The following NAV2 variants were observed in gnomAD, a reference collection of about 807,000 sequenced individuals.
NAV2 encodes the protein neuron navigator 2.
Under a neutral mutation model 223.2 loss-of-function variants are expected in NAV2, and 54 were observed. The observed-to-expected ratio is 0.24, with a 90% CI of 0.19 to 0.30. The LOEUF (loss-of-function observed/expected upper bound fraction) is 0.30, where lower values mean the gene tolerates loss of function less well. Ranked by LOEUF, NAV2 falls within the 10% of genes least tolerant of loss-of-function variation. The pLI is 1.00. For missense variants in NAV2, 2,806 were observed against 3,147.5 expected (o/e 0.89, Z 2.60); for synonymous variants, 1,279 against 1,239.3 (o/e 1.03, Z -0.67).
chr11:19,946,036 T>G (rs1050943965), intron 8 of NAV2, among the ~76,000 whole-genome samples: 1 of 152,232 alleles, frequency 6.6e-6, no homozygotes, highest in Non-Finnish European at 1.5e-5. Context: ...AACAAAATGC[T>G]TCACTCATTT....
intron 6 of NAV2, among the ~76,000 whole-genome samples, chr11:19,894,846 TCAGC>T (rs1429882683): frequency 1.3e-5 from 2 of 152,198 alleles, no homozygotes; most frequent in African/African-American, 2.4e-5. Flanking sequence ...TTCTCCTGCC[TCAGC>T]CTCCCTAGTA....
chr11:19,465,653 A>G (rs983581311), intron 1 of NAV2, among the ~76,000 whole-genome samples: 1 of 152,216 alleles, frequency 6.6e-6, no homozygotes, highest in Non-Finnish European at 1.5e-5. Flanking sequence ...GTAAGGATGA[A>G]AGATGATATA....
intron 30 of NAV2, among the ~76,000 whole-genome samples, chr11:20,096,753 G>A (rs1233969815): frequency 6.6e-6 from 1 of 152,154 alleles, no homozygotes; most frequent in Non-Finnish European, 1.5e-5. Context: ...TCTGTTTTTT[G>A]ACTGGAGATT....
At chr11:19,383,632 G>T (rs1319877556) in intron 1 of NAV2, among the ~76,000 whole-genome samples, 2 of 152,138 alleles carry the variant, frequency 1.3e-5, no homozygotes, top group Admixed American at 1.3e-4. Flanking sequence ...CTGGTCCCAG[G>T]TTACCATTTC....
At chr11:20,049,366 C>T (rs2057756395) in intron 15 of NAV2, 171 bp downstream of exon 15, 4 of 610,248 alleles carry the variant, frequency 6.6e-6, no homozygotes, top group Admixed American at 3.1e-5. Flanking sequence ...AAGCTTGGCT[C>T]TGCTCCCTGT....
intron 6 of NAV2, among the ~76,000 whole-genome samples, chr11:19,928,629 G>A (rs143705513): frequency 2.3e-4 from 35 of 152,286 alleles, no homozygotes; most frequent in African/African-American, 8.4e-4. Flanking sequence ...TTCACAAGCA[G>A]CTCATCTAAT....
At chr11:20,061,429 C>A (rs1314105661) in intron 19 of NAV2, among the ~76,000 whole-genome samples, 1 of 151,956 alleles carries the variant, frequency 6.6e-6, no homozygotes, top group Non-Finnish European at 1.5e-5. Context: ...ACTAGCCAGG[C>A]ATGGTGGCGC....
At chr11:20,117,539 G>A (rs2063217449) in intron 37 of NAV2, among the ~76,000 whole-genome samples, 2 of 152,164 alleles carry the variant, frequency 1.3e-5, no homozygotes, top group Admixed American at 1.3e-4. Flanking sequence ...GCCTTTGCTT[G>A]TAACTGGTGC....
At chr11:19,939,597 C>T in intron 7 of NAV2, 64 bp from the exon 8 acceptor site, 2 of 1,307,938 alleles carry the variant, frequency 1.5e-6, no homozygotes, top group Non-Finnish European at 1.1e-6. Flanking sequence ...GGTTAGACCA[C>T]AGTGGTCCAG....
At chr11:20,115,241 G>A (rs1193698696) in intron 37 of NAV2, among the ~76,000 whole-genome samples, 4 of 152,172 alleles carry the variant, frequency 2.6e-5, no homozygotes, top group Non-Finnish European at 5.9e-5. Flanking sequence ...ACAGAGGGGA[G>A]GAGGCCTGAA....
At chr11:19,773,239 G>C (rs2055864063) in intron 1 of NAV2, among the ~76,000 whole-genome samples, 1 of 152,234 alleles carries the variant, frequency 6.6e-6, no homozygotes, top group Admixed American at 6.5e-5. Context: ...GGAGTGTTGA[G>C]TGATTGAACG....
chr11:19,828,295 C>T (rs2152885058), intron 1 of NAV2, among the ~76,000 whole-genome samples: 1 of 152,148 alleles, frequency 6.6e-6, no homozygotes, highest in African/African-American at 2.4e-5. Flanking sequence ...TATTTATCTC[C>T]AGAACTTTTT....
At chr11:19,528,064 A>T (rs2134395739) in intron 1 of NAV2, among the ~76,000 whole-genome samples, 1 of 152,286 alleles carries the variant, frequency 6.6e-6, no homozygotes, top group East Asian at 1.9e-4. Flanking sequence ...AAATCAAGCC[A>T]CGTTCCCTGC....
At chr11:19,477,994 C>A (rs1370089192) in intron 1 of NAV2, among the ~76,000 whole-genome samples, 1 of 152,192 alleles carries the variant, frequency 6.6e-6, no homozygotes, top group Non-Finnish European at 1.5e-5. Context: ...GCTATCATGG[C>A]AAATTCAGCA....
In NAV2 at chr11:20,052,775, A is replaced by G. The variant is rs145809404; in HGVS notation, c.4482-1305A>G. Among the ~76,000 whole-genome samples, 69 of 152,312 alleles carry G rather than the reference A, an allele frequency of 4.5e-4. No homozygotes were observed. In the East Asian group the frequency reaches 0.012, roughly 27 times the overall value. On this transcript the variant is annotated intron_variant, in intron 17 of 37. Coordinates refer to ENST00000349880, the MANE Select transcript of NAV2 (RefSeq NM_145117.5). ...CCTCTCACTCTGATTCTTCCTGTGT[A>G]GCTCACCCACTCCATACACATGAAC...
At chr11:20,030,312 A>G (rs1014188464) in intron 11 of NAV2, among the ~76,000 whole-genome samples, 21 of 152,234 alleles carry the variant, frequency 1.4e-4, no homozygotes, top group Admixed American at 2.6e-4. Flanking sequence ...CATTCAAAAG[A>G]TGAAACCTGC....
At chr11:19,552,733 A>T (rs1488236435) in intron 1 of NAV2, among the ~76,000 whole-genome samples, 1 of 152,198 alleles carries the variant, frequency 6.6e-6, no homozygotes, top group African/African-American at 2.4e-5. Flanking sequence ...AGTGTAAAAG[A>T]GCTGAACAGC....
At chr11:19,449,467 A>G (rs1381833026) in intron 1 of NAV2, among the ~76,000 whole-genome samples, 1 of 151,630 alleles carries the variant, frequency 6.6e-6, no homozygotes, top group African/African-American at 2.4e-5. Flanking sequence ...ATTGGTACCA[A>G]CCCCACAGGG....
rs114852312 is a variant in NAV2 at position 19,458,768 on chromosome 11, A to G, written c.75+107741A>G. Reference sequence around the variant, plus strand: ...AGAATAATGCTCAGACTCCTGTGCTAGCATGGGGTGCCCCTTGGCCCCTCA... The same window carrying G: ...AGAATAATGCTCAGACTCCTGTGCTGGCATGGGGTGCCCCTTGGCCCCTCA... On this transcript the variant is annotated intron_variant, in intron 1 of 37. Coordinates refer to the NAV2 transcript ENST00000360655. Among the ~76,000 whole-genome samples, 1,275 of 152,352 alleles carry G rather than the reference A, an allele frequency of 8.4e-3. 20 individuals carry two copies. Among genetic ancestry groups the G allele is most frequent in the African/African-American group, 0.029 (1,210 of 41,576 alleles).
Sources: gnomAD v4.1 joint callset for allele counts (sites outside exome capture counted in the v4.1 genomes callset) on GRCh38, gnomAD v4.1.1 for gene constraint, MANE v1.5 for transcripts, NCBI Gene and HGNC (gene_info 2026-07-23, HGNC 2026-07-21) for gene names.